The following L3MBTL4 variants were observed in gnomAD, a reference collection of about 807,000 sequenced individuals.
L3MBTL4 encodes the protein lethal(3)malignant brain tumor-like protein 4.
In L3MBTL4, 70 loss-of-function variants were observed where a neutral mutation model predicts 84.5. The ratio of observed to expected loss-of-function variants is 0.83; its 90% confidence interval spans 0.68 to 1.01. The LOEUF (loss-of-function observed/expected upper bound fraction) is 1.01, where lower values mean the gene tolerates loss of function less well. Among genes scored for constraint, L3MBTL4 ranks in the 50% least tolerant of loss-of-function variants. The probability of loss-of-function intolerance (pLI) is 0.00; values close to 1 mark genes in which losing one functional copy is unlikely to be tolerated. For synonymous variants in L3MBTL4, 274 were observed against 259.8 expected, an observed-to-expected ratio of 1.05 and a Z score of -0.52; for missense variants, 715 against 754.8, an observed-to-expected ratio of 0.95 and a Z score of 0.62.
At chr18:6,092,709 A>T (rs1013843631) in intron 15 of L3MBTL4, among the ~76,000 whole-genome samples, 3 of 152,300 alleles carry the variant, frequency 2.0e-5, no homozygotes, top group Non-Finnish European at 4.4e-5. Context: ...CTTTTTGGAG[A>T]AAAGATGTTA....
At chr18:6,215,022 T>C (rs550947004) in intron 11 of L3MBTL4, among the ~76,000 whole-genome samples, 2 of 152,290 alleles carry the variant, frequency 1.3e-5, no homozygotes, top group South Asian at 4.1e-4. Context: ...TTTCAAAAAA[T>C]GAAATATCAT....
chr18:6,260,433 T>G (rs1265003408), intron 5 of L3MBTL4: 1 of 152,198 alleles, frequency 6.6e-6, no homozygotes, highest in Non-Finnish European at 1.5e-5. Flanking sequence ...GTTTTTCCAG[T>G]TGTTTATATG....
At chr18:6,069,927 T>G (rs1386065585) in intron 16 of L3MBTL4, among the ~76,000 whole-genome samples, 3 of 152,080 alleles carry the variant, frequency 2.0e-5, no homozygotes, top group Non-Finnish European at 4.4e-5. Context: ...AATTAAAAAT[T>G]AATTACATGA....
At chr18:6,178,933 G>C (rs755260526) in intron 12 of L3MBTL4, among the ~76,000 whole-genome samples, 6 of 152,100 alleles carry the variant, frequency 3.9e-5, no homozygotes, top group Non-Finnish European at 7.4e-5. Flanking sequence ...CATGTTCGCT[G>C]CTCCCATGGC....
chr18:6,180,250 C>T (rs775237426), intron 12 of L3MBTL4, among the ~76,000 whole-genome samples: 3 of 151,950 alleles, frequency 2.0e-5, no homozygotes, highest in Non-Finnish European at 2.9e-5. Context: ...TATATATATA[C>T]CTTCAAAACA....
At chr18:6,056,650 G>A (rs1184336070) in intron 16 of L3MBTL4, among the ~76,000 whole-genome samples, 1 of 152,112 alleles carries the variant, frequency 6.6e-6, no homozygotes, top group African/African-American at 2.4e-5. Flanking sequence ...TTTGTGGCTG[G>A]GCTTAAAGTC....
At chr18:6,202,130 C>T (rs1425876202) in intron 12 of L3MBTL4, among the ~76,000 whole-genome samples, 1 of 152,274 alleles carries the variant, frequency 6.6e-6, no homozygotes, top group Middle Eastern at 3.4e-3. Context: ...TGTTTCTGTA[C>T]CTCCCTTCCC....
intron 1 of L3MBTL4, among the ~76,000 whole-genome samples, chr18:6,357,386 T>C (rs2053494215): frequency 6.6e-6 from 1 of 152,206 alleles, no homozygotes; most frequent in African/African-American, 2.4e-5. Flanking sequence ...AAAAAAGTCC[T>C]GAACAGTGAA....
chr18:6,048,958 T>C (rs905682063), intron 16 of L3MBTL4, among the ~76,000 whole-genome samples: 1 of 152,056 alleles, frequency 6.6e-6, no homozygotes, highest in Non-Finnish European at 1.5e-5. Context: ...TACATTTCAC[T>C]ATATGCAAAA....
intron 1 of L3MBTL4, among the ~76,000 whole-genome samples, chr18:6,334,053 T>A (rs1212420256): frequency 6.6e-6 from 1 of 152,208 alleles, no homozygotes; most frequent in East Asian, 1.9e-4. Context: ...ACATGTGAAA[T>A]CAAGACGGTC....
At chr18:6,025,043 C>A (rs571014444) in intron 16 of L3MBTL4, 1 of 152,174 alleles carries the variant, frequency 6.6e-6, no homozygotes, top group African/African-American at 2.4e-5. Context: ...AGCACCTCCT[C>A]TCAGCACCTC....
intron 14 of L3MBTL4, among the ~76,000 whole-genome samples, chr18:6,133,639 C>T (rs549752422): frequency 9.9e-5 from 15 of 152,190 alleles, no homozygotes; most frequent in African/African-American, 2.4e-4. Context: ...ATGAGCAGGG[C>T]GGGAAAGGCC....
intron 1 of L3MBTL4, among the ~76,000 whole-genome samples, chr18:6,329,151 CTTTTT>C (rs992694853): frequency 0.16 from 20,204 of 126,262 alleles, 1,391 homozygotes; most frequent in African/African-American, 0.24. Context: ...TTTTTCTTTT[CTTTTT>C]TTTTTTTTTT....
At chr18:6,194,052 T>C (rs529590511) in intron 12 of L3MBTL4, among the ~76,000 whole-genome samples, 1 of 152,170 alleles carries the variant, frequency 6.6e-6, no homozygotes, top group South Asian at 2.1e-4. Context: ...CCAAAATGAA[T>C]TCAAGGAGGG....
At chr18:5,980,735 G>A (rs1454792315) in intron 16 of L3MBTL4, among the ~76,000 whole-genome samples, 1 of 152,124 alleles carries the variant, frequency 6.6e-6, no homozygotes, top group Admixed American at 6.5e-5. Flanking sequence ...CCCGGCCTGT[G>A]CACTTCTTTT....
In L3MBTL4 at chr18:6,088,334, T is replaced by C. The variant is rs933919921; in HGVS notation, c.1373+5021A>G. 3.3e-5 allele frequency among the ~76,000 whole-genome samples: 5 copies of C among 152,114 alleles called. No homozygotes were observed. The South Asian group carries it at 1.0e-3, about 32-fold the overall frequency. On this transcript the variant is annotated intron_variant, in intron 15 of 18. Coordinates refer to ENST00000317931, the MANE Select transcript of L3MBTL4 (RefSeq NM_001330559.2). ...CTCAAAATCTATTTAACTTGTTGAGTGTCTAGTATGTGTCAGGTATTGCAA... is the reference window on the plus strand; with the variant it reads ...CTCAAAATCTATTTAACTTGTTGAGCGTCTAGTATGTGTCAGGTATTGCAA...
intron 1 of L3MBTL4, among the ~76,000 whole-genome samples, chr18:6,404,360 C>G (rs1488525203): frequency 6.6e-6 from 1 of 152,134 alleles, no homozygotes; most frequent in African/African-American, 2.4e-5. Flanking sequence ...GAAAAAAGAG[C>G]ATAGGGGACA....
intron 1 of L3MBTL4, among the ~76,000 whole-genome samples, chr18:6,321,276 A>G (rs1470890100): frequency 6.6e-6 from 1 of 152,242 alleles, no homozygotes; most frequent in Non-Finnish European, 1.5e-5. Context: ...AGGCATAATC[A>G]TCAGAATAAA....
intron 4 of L3MBTL4, among the ~76,000 whole-genome samples, chr18:6,287,344 A>C (rs1035813408): frequency 6.6e-6 from 1 of 152,216 alleles, no homozygotes; most frequent in African/African-American, 2.4e-5. Flanking sequence ...AAAAAAAAGA[A>C]AAAAGACTCA....
Sources: gnomAD v4.1 joint callset for allele counts (sites outside exome capture counted in the v4.1 genomes callset) on GRCh38, gnomAD v4.1.1 for gene constraint, MANE v1.5 for transcripts, NCBI Gene and HGNC (gene_info 2026-07-23, HGNC 2026-07-21) for gene names.